Variants in CRACD observed in about 807,000 individuals in gnomAD.
The protein encoded by CRACD is capping protein-inhibiting regulator of actin dynamics.
In CRACD, 56 loss-of-function variants were observed where a neutral mutation model predicts 106.8. The ratio of observed to expected loss-of-function variants is 0.52; its 90% confidence interval spans 0.42 to 0.66. The LOEUF is 0.66. Among genes scored for constraint, CRACD ranks in the 30% least tolerant of loss-of-function variants. The pLI is 0.00. For missense variants in CRACD, 1,730 were observed against 1,623.2 expected, an observed-to-expected ratio of 1.07 and a Z score of -1.13; for synonymous variants, 754 against 670.8, an observed-to-expected ratio of 1.12 and a Z score of -1.92.
intron 2 of CRACD, among the ~76,000 whole-genome samples, chr4:56,267,637 GAATTGGTTGTTGGGTGGAGA>G (rs1210062735): frequency 6.6e-6 from 1 of 152,128 alleles, no homozygotes; most frequent in Non-Finnish European, 1.5e-5. Flanking sequence ...ACGGTAAGAA[GAATTGGTTGTTGGGTGGAGA>G]ATCCAGTTAG....
intron 1 of CRACD, among the ~76,000 whole-genome samples, chr4:56,118,887 T>C (rs1734388430): frequency 6.6e-6 from 1 of 152,206 alleles, no homozygotes; most frequent in Non-Finnish European, 1.5e-5. Flanking sequence ...GTACATATAA[T>C]CAGAGAAAGT....
chr4:56,180,646 C>G (rs1289613519), intron 2 of CRACD, among the ~76,000 whole-genome samples: 1 of 152,128 alleles, frequency 6.6e-6, no homozygotes, highest in East Asian at 1.9e-4. Context: ...AAAATAACAA[C>G]TACCTATCAA....
chr4:56,255,958 A>G (rs1254031258), intron 2 of CRACD, among the ~76,000 whole-genome samples: 1 of 152,210 alleles, frequency 6.6e-6, no homozygotes, highest in African/African-American at 2.4e-5. Context: ...TTTGGGCCAT[A>G]TGACCCAGCA....
chr4:56,232,083 A>C (rs55879413), intron 2 of CRACD, among the ~76,000 whole-genome samples: 5,224 of 152,276 alleles, frequency 0.034, 131 homozygotes, highest in Middle Eastern at 0.071. Context: ...GAGCATATGT[A>C]CAGTAATTCC....
intron 1 of CRACD, among the ~76,000 whole-genome samples, chr4:56,161,288 A>G (rs1223517112): frequency 1.3e-5 from 2 of 152,098 alleles, no homozygotes; most frequent in Non-Finnish European, 2.9e-5. Flanking sequence ...TAAAATTAGG[A>G]GGGCCTGTGG....
intron 3 of CRACD, among the ~76,000 whole-genome samples, chr4:56,293,821 C>T (rs1743832746): frequency 6.6e-6 from 1 of 152,234 alleles, no homozygotes; most frequent in African/African-American, 2.4e-5. Flanking sequence ...CCATTGGAGA[C>T]TACAATTTGA....
intron 2 of CRACD, among the ~76,000 whole-genome samples, chr4:56,228,624 A>G (rs1164755705): frequency 1.3e-5 from 2 of 151,678 alleles, no homozygotes; most frequent in Non-Finnish European, 2.9e-5. Flanking sequence ...AAAAAAAAAA[A>G]AAAGAATTCC....
intron 2 of CRACD, among the ~76,000 whole-genome samples, chr4:56,194,698 G>A (rs1486470799): frequency 6.6e-6 from 1 of 152,124 alleles, no homozygotes; most frequent in African/African-American, 2.4e-5. Flanking sequence ...CCAGAAATTG[G>A]ACCCTCACCA....
intron 2 of CRACD, among the ~76,000 whole-genome samples, chr4:56,256,197 T>C (rs1388749665): frequency 6.6e-6 from 1 of 152,190 alleles, no homozygotes; most frequent in Non-Finnish European, 1.5e-5. Flanking sequence ...TGGAAGATAA[T>C]TGAATCATGG....
chr4:56,254,393 T>TG (rs111592012), intron 2 of CRACD, among the ~76,000 whole-genome samples: 5 of 38,262 alleles, frequency 1.3e-4, no homozygotes, highest in African/African-American at 4.3e-4. Flanking sequence ...CAGAGTTTTG[T>TG]GGGGGTTTTT....
At chr4:56,052,787 C>T (rs1483582550) in intron 1 of CRACD, among the ~76,000 whole-genome samples, 4 of 145,264 alleles carry the variant, frequency 2.8e-5, no homozygotes, top group African/African-American at 9.7e-5. Context: ...GATCCCAAAG[C>T]CTGTCTGCCC....
chr4:56,279,843 C>T (rs1333575607), intron 3 of CRACD, among the ~76,000 whole-genome samples: 35 of 152,200 alleles, frequency 2.3e-4, no homozygotes, highest in South Asian at 1.0e-3. Flanking sequence ...CACATGCACA[C>T]GTATGTTTAT....
chr4:56,261,759 A>G (rs1378183167), intron 2 of CRACD, among the ~76,000 whole-genome samples: 1 of 152,184 alleles, frequency 6.6e-6, no homozygotes, highest in Non-Finnish European at 1.5e-5. Context: ...CTAAAAATTG[A>G]TATGGTTTTG....
intron 2 of CRACD, among the ~76,000 whole-genome samples, chr4:56,198,003 T>C (rs1737703511): frequency 6.6e-6 from 1 of 152,012 alleles, no homozygotes; most frequent in South Asian, 2.1e-4. Context: ...ATTTAAGAAA[T>C]GCATCCTATT....
chr4:56,224,302 T>C (rs1197362635), intron 2 of CRACD, among the ~76,000 whole-genome samples: 1 of 152,208 alleles, frequency 6.6e-6, no homozygotes, highest in Admixed American at 6.5e-5. Flanking sequence ...ATGTATCACC[T>C]TCACATTTCT....
In CRACD at chr4:56,111,701, T is replaced by C. The variant is rs1344680363; in HGVS notation, c.-336+62402T>C. Among the ~76,000 whole-genome samples the C allele has an allele frequency of 5.9e-5, 9 of 152,092 alleles. No individual in the cohort carries two copies. In the East Asian group the frequency reaches 1.7e-3, roughly 29 times the overall value. Reference sequence around the variant, plus strand: ...AGCTAATTTTTTTTTTGTATTTTTATTAGAGATAGGGTTTCTCCATGTTGG... The same window carrying C: ...AGCTAATTTTTTTTTTGTATTTTTACTAGAGATAGGGTTTCTCCATGTTGG... On this transcript the variant is annotated intron_variant, in intron 1 of 10. Transcript: ENST00000682029.
At chr4:56,076,999 T>C (rs1476150843) in intron 1 of CRACD, among the ~76,000 whole-genome samples, 1 of 152,188 alleles carries the variant, frequency 6.6e-6, no homozygotes, top group Non-Finnish European at 1.5e-5. Context: ...ATGGACATGG[T>C]TTTATCTCTG....
chr4:56,259,491 A>C (rs556741836), intron 2 of CRACD, among the ~76,000 whole-genome samples: 1 of 152,246 alleles, frequency 6.6e-6, no homozygotes, highest in African/African-American at 2.4e-5. Flanking sequence ...ACTAAGTAGG[A>C]GGTGGGGAAC....
chr4:56,198,230 C>T (rs1370808756), intron 2 of CRACD, among the ~76,000 whole-genome samples: 2 of 152,138 alleles, frequency 1.3e-5, no homozygotes, highest in African/African-American at 4.8e-5. Flanking sequence ...ATCCACCATA[C>T]GTCTTAAGCT....
Sources: allele counts gnomAD v4.1 joint callset (sites outside exome capture counted in the v4.1 genomes callset), GRCh38; gene constraint gnomAD v4.1.1; transcripts MANE v1.5; gene names NCBI Gene and HGNC (gene_info 2026-07-23, HGNC 2026-07-21).